The following DRICH1 variants were observed in gnomAD, a reference collection of about 807,000 sequenced individuals.
DRICH1 encodes the protein aspartate rich 1.
DRICH1 carries 38 observed loss-of-function variants against 39.5 expected under a neutral mutation model. The ratio of observed to expected loss-of-function variants is 0.96; its 90% CI spans 0.74 to 1.26. The LOEUF (loss-of-function observed/expected upper bound fraction) is 1.26, where lower values mean the gene tolerates loss of function less well. Ranked by LOEUF, DRICH1 falls within the 50% of genes most tolerant of loss-of-function variation. DRICH1 has a pLI of 0.00. For synonymous variants in DRICH1, 84 were observed against 99.5 expected (o/e 0.84, Z 0.93); for missense variants, 279 against 270.4 (o/e 1.03, Z -0.22).
intron 6 of DRICH1, among the ~76,000 whole-genome samples, 189 bp downstream of exon 6, chr22:23,619,171 CAAAA>C (rs5844565): frequency 1.2e-5 from 1 of 84,930 alleles, no homozygotes; most frequent in African/African-American, 4.8e-5. Context: ...GACTCCGTCT[CAAAA>C]AAAAAAAAAA....
the DRICH1 span, among the ~76,000 whole-genome samples, chr22:23,591,725 C>T: frequency 6.6e-6 from 1 of 152,068 alleles, no homozygotes; most frequent in African/African-American, 2.4e-5. Flanking sequence ...GGGGTGCTTG[C>T]GAAATCATTG....
chr22:23,630,909 G>A (rs1445990676), intron 1 of DRICH1: 1 of 152,150 alleles, frequency 6.6e-6, no homozygotes, highest in Non-Finnish European at 1.5e-5. Context: ...CATCAGCAAA[G>A]GAGTGGTCTT....
the DRICH1 span, among the ~76,000 whole-genome samples, chr22:23,593,995 AG>A: frequency 6.6e-6 from 1 of 151,632 alleles, no homozygotes; most frequent in African/African-American, 2.4e-5. Flanking sequence ...AAAAAAGAAA[AG>A]AGCAAACAAA....
At chr22:23,602,653 C>G in the DRICH1 span, among the ~76,000 whole-genome samples, 3 of 151,784 alleles carry the variant, frequency 2.0e-5, no homozygotes, top group African/African-American at 7.3e-5. Flanking sequence ...CTCTGCACAC[C>G]AGCCTGGGTG....
the DRICH1 span, among the ~76,000 whole-genome samples, chr22:23,590,398 C>T: frequency 6.6e-6 from 1 of 151,938 alleles, no homozygotes; most frequent in Non-Finnish European, 1.5e-5. Flanking sequence ...CTGCCTCAGC[C>T]TCACAAGTAG....
chr22:23,589,153 AT>A, the DRICH1 span, among the ~76,000 whole-genome samples: 1 of 152,010 alleles, frequency 6.6e-6, no homozygotes, highest in African/African-American at 2.4e-5. Context: ...TAACTTAGAT[AT>A]CAAAATAGGT....
the DRICH1 span, among the ~76,000 whole-genome samples, chr22:23,599,888 C>T: frequency 6.6e-6 from 1 of 152,206 alleles, no homozygotes; most frequent in East Asian, 1.9e-4. Flanking sequence ...CCACAGCCCC[C>T]TTCTCCCACG....
At chr22:23,622,046 C>G (rs113664250) in intron 4 of DRICH1, 45 bp downstream of exon 4, 14 of 1,600,520 alleles carry the variant, frequency 8.7e-6, no homozygotes, top group Non-Finnish European at 1.2e-5. Flanking sequence ...TTTCTCACAT[C>G]AGAAAACCAA....
intron 11 of DRICH1, among the ~76,000 whole-genome samples, chr22:23,611,110 G>A (rs925887160): frequency 2.0e-5 from 3 of 152,090 alleles, no homozygotes; most frequent in Non-Finnish European, 2.9e-5. Context: ...CAGCCTCACC[G>A]AACTCACATG....
chr22:23,604,042 T>C (rs1926605227), downstream of DRICH1, among the ~76,000 whole-genome samples: 1 of 152,146 alleles, frequency 6.6e-6, no homozygotes, highest in Non-Finnish European at 1.5e-5. Context: ...CCTGAATCTG[T>C]CCTCATATCA....
At chr22:23,632,721 G>T (rs1005758662), upstream of DRICH1, 1 of 152,114 alleles carries the variant, frequency 6.6e-6, no homozygotes, top group African/African-American at 2.4e-5. Flanking sequence ...AGACCAGCCT[G>T]GCCAACATGG....
chr22:23,617,057 G>T (rs1044142593), intron 7 of DRICH1, among the ~76,000 whole-genome samples, 183 bp from the exon 8 acceptor site: 1 of 152,224 alleles, frequency 6.6e-6, no homozygotes, highest in Non-Finnish European at 1.5e-5. Flanking sequence ...TTTTCCCACA[G>T]AATTTATCTT....
the DRICH1 span, among the ~76,000 whole-genome samples, chr22:23,593,798 AC>A: frequency 6.6e-6 from 1 of 151,722 alleles, no homozygotes; most frequent in African/African-American, 2.4e-5. Flanking sequence ...CCATCTCAAA[AC>A]AAAACAAAAC....
chr22:23,614,134 C>T lies in DRICH1; in HGVS notation c.621+1G>A, dbSNP rs370596219. On this transcript the variant is annotated splice_donor_variant, in intron 9 of 11. Coordinates refer to ENST00000317749, the MANE Select transcript of DRICH1 (RefSeq NM_016449.4). LOFTEE classifies it high-confidence loss of function. ...AGAAGACAAAAAAAGGGAGGTCTTACGTGGATGTCATCATCATCTTCTTCT... is the reference window on the plus strand; with the variant it reads ...AGAAGACAAAAAAAGGGAGGTCTTATGTGGATGTCATCATCATCTTCTTCT... 19 of 1,606,404 alleles carry T rather than the reference C, an allele frequency of 1.2e-5. No individual in the cohort carries two copies. The highest frequency in any genetic ancestry group is 5.5e-5 in the South Asian group (5 of 90,884).
At chr22:23,613,782 C>A in intron 9 of DRICH1, 122 bp from the exon 10 acceptor site, 2 of 686,562 alleles carry the variant, frequency 2.9e-6, no homozygotes, top group South Asian at 3.5e-5. Context: ...AGCCATAGGT[C>A]AAAGTCCCCC....
At chr22:23,596,919 T>C in the DRICH1 span, among the ~76,000 whole-genome samples, 1 of 151,670 alleles carries the variant, frequency 6.6e-6, no homozygotes, top group Admixed American at 6.6e-5. Flanking sequence ...TCTGTCTCAT[T>C]GTTCTAGCCA....
chr22:23,607,538 C>CGGGGGGGG (rs59669796), downstream of DRICH1, among the ~76,000 whole-genome samples: 3 of 147,430 alleles, frequency 2.0e-5, no homozygotes, highest in African/African-American at 7.6e-5. Flanking sequence ...CTGGCGGGGG[C>CGGGGGGGG]GGGGGGGGGC....
intron 11 of DRICH1, among the ~76,000 whole-genome samples, chr22:23,612,755 C>T (rs908945705): frequency 2.6e-5 from 4 of 152,166 alleles, no homozygotes; most frequent in Admixed American, 6.5e-5. Flanking sequence ...TGAATATTCA[C>T]TCCACCATCC....
chr22:23,629,101 C>T (rs1206228443), intron 1 of DRICH1, among the ~76,000 whole-genome samples: 2 of 152,122 alleles, frequency 1.3e-5, no homozygotes, highest in Non-Finnish European at 2.9e-5. Context: ...TGCAATGGCT[C>T]GATCTCAGCT....
Sources: gnomAD v4.1 joint callset for allele counts (sites outside exome capture counted in the v4.1 genomes callset) on GRCh38, gnomAD v4.1.1 for gene constraint, MANE v1.5 for transcripts, NCBI Gene and HGNC (gene_info 2026-07-23, HGNC 2026-07-21) for gene names.